CWC27: variants seen among roughly 807,000 people sequenced by gnomAD.
CWC27 encodes the protein CWC27 spliceosome associated cyclophilin.
A neutral mutation model predicts 63.6 loss-of-function variants in CWC27; 47 were observed. That is an observed-to-expected ratio of 0.74 (90% CI 0.58 to 0.94). The LOEUF (loss-of-function observed/expected upper bound fraction) is 0.94, where lower values mean the gene tolerates loss of function less well. Ranked by LOEUF, CWC27 falls within the 40% of genes least tolerant of loss-of-function variation. The pLI, the probability that CWC27 is intolerant of heterozygous loss-of-function variation, is 0.00. For missense variants in CWC27, 495 were observed against 554.3 expected, an observed-to-expected ratio of 0.89 and a Z score of 1.07; for synonymous variants, 175 against 179.8, an observed-to-expected ratio of 0.97 and a Z score of 0.22.
chr5:64,804,114 TAAA>T, intron 9 of CWC27, 112 bp from the exon 10 acceptor site: 2 of 790,642 alleles, frequency 2.5e-6, no homozygotes, highest in Non-Finnish European at 3.6e-6. Flanking sequence ...GAAAACAAAA[TAAA>T]AAAAAAAACC....
intron 13 of CWC27, among the ~76,000 whole-genome samples, chr5:65,006,780 G>A (rs1749849137): frequency 6.6e-6 from 1 of 151,872 alleles, no homozygotes; most frequent in South Asian, 2.1e-4. Flanking sequence ...CTTTCAAAGT[G>A]TACATCATGG....
chr5:64,921,241 G>T (rs1040879806), intron 11 of CWC27, among the ~76,000 whole-genome samples: 11 of 152,108 alleles, frequency 7.2e-5, no homozygotes, highest in African/African-American at 2.7e-4. Context: ...GTAAGTGTAT[G>T]GTTTTGATAC....
intron 10 of CWC27, among the ~76,000 whole-genome samples, chr5:64,820,334 A>G (rs1297699220): frequency 1.3e-5 from 2 of 152,220 alleles, no homozygotes; most frequent in African/African-American, 4.8e-5. Flanking sequence ...TGGCCTTAGT[A>G]TATTGTGCTA....
intron 11 of CWC27, among the ~76,000 whole-genome samples, chr5:64,895,945 C>T (rs190597778): frequency 1.4e-4 from 22 of 152,078 alleles, no homozygotes; most frequent in South Asian, 1.0e-3. Context: ...TAGGAGGAGA[C>T]CAAAGGGCAA....
intron 11 of CWC27, among the ~76,000 whole-genome samples, chr5:64,905,552 T>C (rs1394832659): frequency 6.6e-6 from 1 of 152,198 alleles, no homozygotes; most frequent in African/African-American, 2.4e-5. Flanking sequence ...AGACTAGTAA[T>C]GCCCATAATT....
Position 64,977,172 on chromosome 5 carries a change from C to G in CWC27, c.1190C>G (p.Thr397Ser), listed in dbSNP as rs776321444. The G allele has an allele frequency of 6.2e-7, 1 of 1,612,482 alleles. No homozygotes were observed. Among genetic ancestry groups the G allele is most frequent in the Admixed American group, 1.7e-5 (1 of 59,890 alleles). ...ALLNQFKSKL[T>S]QAIAETPEND... ...CTGAACCAGTTTAAATCTAAACTCA[C>G]TCAAGCAATTGCTGAAACGCCTGAA... Residue 397 changes from threonine (T) to serine (S), a missense_variant, in exon 13 of 14, where the codon ACT becomes AGT. This residue lies in a region of CWC27 where 463 missense variants were observed against 498.1 expected (regional missense o/e 0.93). Coordinates refer to ENST00000381070, the MANE Select transcript of CWC27 (RefSeq NM_005869.4).
intron 13 of CWC27, among the ~76,000 whole-genome samples, chr5:64,998,944 ATCT>A (rs1473052861): frequency 1.3e-5 from 2 of 150,832 alleles, no homozygotes; most frequent in African/African-American, 4.9e-5. Context: ...CCTATTCTGA[ATCT>A]TCTTTCATCT....
intron 10 of CWC27, among the ~76,000 whole-genome samples, chr5:64,813,302 T>A (rs1272637540): frequency 6.6e-6 from 1 of 152,170 alleles, no homozygotes; most frequent in East Asian, 1.9e-4. Flanking sequence ...CTTGGGCCAC[T>A]TGAAATAAAA....
chr5:64,804,543 A>G, intron 10 of CWC27, 157 bp downstream of exon 10: 1 of 623,024 alleles, frequency 1.6e-6, no homozygotes, highest in Non-Finnish European at 2.6e-6. Flanking sequence ...GCAGGCCTAA[A>G]ATAAAATACA....
In CWC27 at chr5:64,858,466, T is replaced by C. The variant is rs914981346; in HGVS notation, c.939-26977T>C. Among the ~76,000 whole-genome samples, 58 of 59,398 alleles carry C rather than the reference T, an allele frequency of 9.8e-4. 2 individuals are homozygous for C. In the South Asian group the frequency reaches 0.029, roughly 30 times the overall value. 39.0% of individuals were successfully genotyped at this position (59,398 alleles called of 152,430 possible). ...GACAGAGTGAGACTCCATCTCAAAA[T>C]AATAATAATAATAATAATAATAATA... On this transcript the variant is annotated intron_variant, in intron 10 of 13. Transcript: ENST00000381070.
At chr5:64,820,514 A>C (rs1745167805) in intron 10 of CWC27, among the ~76,000 whole-genome samples, 1 of 152,162 alleles carries the variant, frequency 6.6e-6, no homozygotes. Flanking sequence ...ACCAATATCT[A>C]GAGTGTGACA....
At chr5:64,904,328 G>C (rs1747574146) in intron 11 of CWC27, among the ~76,000 whole-genome samples, 1 of 152,192 alleles carries the variant, frequency 6.6e-6, no homozygotes, top group African/African-American at 2.4e-5. Context: ...AGTTTCTATG[G>C]ATCAGGAATT....
intron 13 of CWC27, among the ~76,000 whole-genome samples, chr5:65,009,527 T>C (rs970467640): frequency 1.3e-5 from 2 of 152,216 alleles, no homozygotes; most frequent in Admixed American, 6.5e-5. Context: ...GCCAATATGA[T>C]GGTATTTGGA....
At chr5:64,834,374 TTTTC>T (rs1394010272) in intron 10 of CWC27, among the ~76,000 whole-genome samples, 2 of 151,642 alleles carry the variant, frequency 1.3e-5, no homozygotes, top group African/African-American at 4.8e-5. Flanking sequence ...AAAGATAACT[TTTTC>T]TTTCTTTTTT....
chr5:64,781,707 TA>T (rs768323121), intron 2 of CWC27, among the ~76,000 whole-genome samples: 8 of 152,176 alleles, frequency 5.3e-5, no homozygotes, highest in Non-Finnish European at 1.5e-5. Flanking sequence ...ATCCTAGAAA[TA>T]AAAACAAGAA....
intron 11 of CWC27, among the ~76,000 whole-genome samples, chr5:64,967,654 A>G (rs961106527): frequency 2.0e-5 from 3 of 152,032 alleles, no homozygotes; most frequent in South Asian, 2.1e-4. Context: ...GAAAGGTGCC[A>G]AGGTCATTCA....
chr5:65,004,909 T>TATATATATAC (rs1402275240), intron 13 of CWC27, among the ~76,000 whole-genome samples: 1 of 65,084 alleles, frequency 1.5e-5, no homozygotes, highest in Non-Finnish European at 2.7e-5. Context: ...TATATATACA[T>TATATATATAC]ACACACACAC....
intron 11 of CWC27, among the ~76,000 whole-genome samples, chr5:64,922,245 T>C (rs950180611): frequency 6.6e-6 from 1 of 152,224 alleles, no homozygotes; most frequent in African/African-American, 2.4e-5. Context: ...ACTTACCCTC[T>C]CTTATTCTCT....
chr5:64,871,038 C>T (rs996218993), intron 10 of CWC27, among the ~76,000 whole-genome samples: 1 of 151,958 alleles, frequency 6.6e-6, no homozygotes, highest in Non-Finnish European at 1.5e-5. Flanking sequence ...TTTGCCAGTG[C>T]TTGAGAGAAC....
Sources: allele counts gnomAD v4.1 joint callset (sites outside exome capture counted in the v4.1 genomes callset), GRCh38; gene constraint gnomAD v4.1.1; regional missense constraint gnomAD v4.1.1; transcripts MANE v1.5; gene names NCBI Gene and HGNC (gene_info 2026-07-23, HGNC 2026-07-21).